Variants in DCP2 observed in about 807,000 individuals in gnomAD.
The protein encoded by DCP2 is decapping mRNA 2, also known as m7GpppN-mRNA hydrolase.
Under a neutral mutation model 56.1 loss-of-function variants are expected in DCP2, and 30 were observed. The ratio of observed to expected loss-of-function variants is 0.53; its 90% CI spans 0.40 to 0.73. DCP2 has a LOEUF of 0.73. Among genes scored for constraint, DCP2 ranks in the 30% least tolerant of loss-of-function variants. DCP2 has a pLI of 0.00. For missense variants in DCP2, 533 were observed against 502.7 expected, an observed-to-expected ratio of 1.06 and a Z score of -0.58; for synonymous variants, 197 against 163.3, an observed-to-expected ratio of 1.21 and a Z score of -1.57.
chr5:112,988,263 A>C (rs1156650922), intron 2 of DCP2, among the ~76,000 whole-genome samples: 11 of 151,594 alleles, frequency 7.3e-5, no homozygotes, highest in African/African-American at 2.7e-4. Context: ...GGGGCGGATC[A>C]CTAAGTCAGG....
chr5:112,985,749 G>T, intron 1 of DCP2, 86 bp from the exon 2 acceptor site: 1 of 1,461,660 alleles, frequency 6.8e-7, no homozygotes, highest in Non-Finnish European at 9.3e-7. Context: ...CTCAGTTGGT[G>T]GGTCAGGTAT....
At chr5:113,000,986 T>C (rs1179786618) in intron 4 of DCP2, 98 bp from the exon 5 acceptor site, 3 of 1,142,756 alleles carry the variant, frequency 2.6e-6, no homozygotes, top group Non-Finnish European at 3.7e-6. Flanking sequence ...ATACAAGTCA[T>C]GTCCCCTTTT....
At position 113,021,495 on chromosome 5, in the gene DCP2, A is replaced by G. The variant is rs1185657994; in HGVS notation, c.*8011A>G. 6.6e-6 allele frequency among the ~76,000 whole-genome samples: 1 copy of G among 152,018 alleles called. No homozygotes were observed. The highest frequency in any genetic ancestry group is 2.4e-5 in the African/African-American group (1 of 41,406). ...TTGCTTTAAAGCAAGATTATAGTGT[A>G]GGGCTTGAGATGTGAATTCATTAGA... On this transcript the variant is annotated 3_prime_UTR_variant, in exon 11 of 11. Coordinates refer to ENST00000389063, the MANE Select transcript of DCP2 (RefSeq NM_152624.6).
At chr5:113,006,659 A>T (rs755211933) in intron 8 of DCP2, among the ~76,000 whole-genome samples, 2 of 152,016 alleles carry the variant, frequency 1.3e-5, no homozygotes, top group Non-Finnish European at 2.9e-5. Flanking sequence ...TATTTATTCT[A>T]TTTTAGCCAG....
rs1750012416 is a variant in DCP2 at position 113,019,261 on chromosome 5, CTG to C, written c.*5780_*5781del. 6.6e-6 allele frequency: 1 copy of C among 152,174 alleles called. No homozygotes were observed. Among genetic ancestry groups the C allele is most frequent in the Non-Finnish European group, 1.5e-5 (1 of 68,036 alleles). 9.4% of individuals were successfully genotyped at this position (152,174 alleles called of 1,614,324 possible). A position where few individuals can be genotyped will look rare whatever the true frequency, so the allele number is the denominator to read the frequency against. ...AGCAAATGAAAGTAAAGGTTCTCAA[CTG>C]TGAATGAAATTTAGAAAGATAATTC... On this transcript the variant is annotated 3_prime_UTR_variant, in exon 11 of 11. Transcript: ENST00000389063.
chr5:113,000,488 G>C (rs989263171), intron 4 of DCP2, among the ~76,000 whole-genome samples: 15 of 151,906 alleles, frequency 9.9e-5, no homozygotes, highest in African/African-American at 3.6e-4. Context: ...GAAGACAGTT[G>C]CACATATTGA....
At chr5:112,985,076 A>T (rs901840017) in intron 1 of DCP2, among the ~76,000 whole-genome samples, 1 of 152,138 alleles carries the variant, frequency 6.6e-6, no homozygotes, top group Non-Finnish European at 1.5e-5. Context: ...ACTGGGAAAA[A>T]GGATTACCAA....
rs1350858810 is a variant in DCP2, at chr5:112,976,851, GGCGA to G, written c.-80_-77del. 2 of 1,461,282 alleles carry G rather than the reference GGCGA, an allele frequency of 1.4e-6. No homozygotes were observed. Among genetic ancestry groups the G allele is most frequent in the Non-Finnish European group, 1.9e-6 (2 of 1,040,982 alleles). The allele number at this position is 1,461,282 out of a possible 1,614,324, so 90.5% of individuals were successfully genotyped here. A position where few individuals can be genotyped will look rare whatever the true frequency, so the allele number is the denominator to read the frequency against. ...CGGCTTCCTCGGCTGCCAGCTCTCCGGCGAGCCGGAGTCCTAGTGCCGTACCGTC... is the reference window on the plus strand; with the variant it reads ...CGGCTTCCTCGGCTGCCAGCTCTCCGGCCGGAGTCCTAGTGCCGTACCGTC... On this transcript the variant is annotated 5_prime_UTR_variant, in exon 1 of 11. Coordinates refer to ENST00000389063, the MANE Select transcript of DCP2 (RefSeq NM_152624.6).
chr5:112,987,766 G>C (rs10069986), intron 2 of DCP2, among the ~76,000 whole-genome samples: 2,667 of 151,748 alleles, frequency 0.018, 38 homozygotes, highest in Non-Finnish European at 0.03. Flanking sequence ...GAGCAACTGT[G>C]CCCAAACTGA....
At chr5:112,983,259 C>T (rs147789584) in intron 1 of DCP2, among the ~76,000 whole-genome samples, 46 of 152,326 alleles carry the variant, frequency 3.0e-4, no homozygotes, top group East Asian at 1.7e-3. Flanking sequence ...TAAAACACTA[C>T]GCTGAATAAT....
chr5:113,008,724 A>G (rs1749550168), intron 9 of DCP2, among the ~76,000 whole-genome samples: 1 of 152,162 alleles, frequency 6.6e-6, no homozygotes. Context: ...TGACTACTTT[A>G]CCTTTATTAT....
chr5:113,010,076 A>G (rs1380403555), intron 9 of DCP2, among the ~76,000 whole-genome samples: 1 of 142,302 alleles, frequency 7.0e-6, no homozygotes, highest in East Asian at 2.0e-4. Context: ...TCTGTCACCC[A>G]GGCTGAAATG....
At chr5:112,981,767 A>T (rs1018867685) in intron 1 of DCP2, among the ~76,000 whole-genome samples, 1 of 151,888 alleles carries the variant, frequency 6.6e-6, no homozygotes, top group Admixed American at 6.6e-5. Context: ...GATTCCTTCT[A>T]GCCTTTTTGT....
chr5:112,992,916 A>G, intron 4 of DCP2, 146 bp downstream of exon 4: 1 of 449,096 alleles, frequency 2.2e-6, no homozygotes, highest in Middle Eastern at 5.8e-4. Context: ...TTTTTTTTTA[A>G]ATCACTGTTG....
chr5:112,982,747 G>C (rs1198022246), intron 1 of DCP2, among the ~76,000 whole-genome samples: 1 of 152,102 alleles, frequency 6.6e-6, no homozygotes, highest in Non-Finnish European at 1.5e-5. Context: ...ATTTCTTTTA[G>C]GATAATAATT....
At chr5:113,000,669 TGCTCAGACA>T (rs1349237207) in intron 4 of DCP2, among the ~76,000 whole-genome samples, 3 of 152,200 alleles carry the variant, frequency 2.0e-5, no homozygotes, top group Non-Finnish European at 4.4e-5. Flanking sequence ...CTGATTGGAA[TGCTCAGACA>T]GCTTGCATGA....
intron 4 of DCP2, among the ~76,000 whole-genome samples, chr5:112,998,176 A>T (rs1016076754): frequency 4.6e-5 from 7 of 152,166 alleles, no homozygotes; most frequent in Non-Finnish European, 8.8e-5. Context: ...TTTAGAATTG[A>T]TTGGACAGTT....
intron 9 of DCP2, among the ~76,000 whole-genome samples, chr5:113,008,696 G>C (rs1200497117): frequency 6.6e-6 from 1 of 151,980 alleles, no homozygotes. Context: ...TACTTAATTT[G>C]GGTTCTAATG....
intron 8 of DCP2, among the ~76,000 whole-genome samples, chr5:113,006,803 C>G (rs888100751): frequency 6.6e-6 from 1 of 152,054 alleles, no homozygotes; most frequent in Non-Finnish European, 1.5e-5. Flanking sequence ...CAAACTATTG[C>G]ATGTCTAAGT....
Sources: gnomAD v4.1 joint callset for allele counts (sites outside exome capture counted in the v4.1 genomes callset) on GRCh38, gnomAD v4.1.1 for gene constraint, MANE v1.5 for transcripts, NCBI Gene and HGNC (gene_info 2026-07-23, HGNC 2026-07-21) for gene names.